Variants in XKR5 observed in about 807,000 individuals in gnomAD.
XKR5 encodes XK related 5.
In XKR5, 46 loss-of-function variants were observed where a neutral mutation model predicts 40.8. The ratio of observed to expected loss-of-function variants is 1.13; its 90% CI spans 0.89 to 1.44. XKR5 has a LOEUF of 1.44. Among genes scored for constraint, XKR5 ranks in the 40% most tolerant of loss-of-function variants. The pLI is 0.00. For synonymous variants in XKR5, 466 were observed against 356.1 expected (o/e 1.31, Z -3.48); for missense variants, 1,169 against 844.7 (o/e 1.38, Z -4.76).
intron 6 of XKR5, 21 bp from the exon 7 acceptor site, chr8:6,812,360 C>T: frequency 2.0e-6 from 3 of 1,522,972 alleles, no homozygotes; most frequent in East Asian, 2.4e-5. Context: ...ACAAAAAGAC[C>T]ACAAGGTTAT....
chr8:6,811,348 A>G lies in XKR5; in HGVS notation c.1911T>C (p.Ser637=), dbSNP rs372907044. The G allele has an allele frequency of 4.2e-4, 647 of 1,537,234 alleles. No individual in the cohort carries two copies. Among genetic ancestry groups the G allele is most frequent in the Non-Finnish European group, 4.8e-4 (547 of 1,146,940 alleles). Residue 637 remains serine, a synonymous_variant, in exon 7 of 7, where the codon AGT becomes AGC. Transcript: ENST00000618742. The part of the protein sequence containing the change: ...EEPLEPKREL[S]HHAAVGVWVS... ...CCCACACACCAACAGCTGCATGGTG[A>G]CTTAGCTCCCTTTTGGGCTCCAGCG...
intron 3 of XKR5, 103 bp from the exon 4 acceptor site, chr8:6,823,833 C>T: frequency 1.0e-6 from 1 of 1,004,956 alleles, no homozygotes; most frequent in Non-Finnish European, 1.5e-6. Flanking sequence ...TGTGTAACCT[C>T]TTGTTAAAGC....
chr8:6,815,841 C>G lies in XKR5; in HGVS notation c.885G>C (p.Gln295His), dbSNP rs1253394497. 6.2e-7 allele frequency: 1 copy of G among 1,605,496 alleles called. No homozygotes were observed. Among genetic ancestry groups the G allele is most frequent in the Non-Finnish European group, 8.5e-7 (1 of 1,176,046 alleles). Residue 295 changes from glutamine (Q) to histidine (H), a missense_variant, in exon 6 of 7, where the codon CAG becomes CAC. Coordinates refer to ENST00000618742, the MANE Select transcript of XKR5 (RefSeq NM_207411.5). ...ATCCAGACAGGACCCCAGCTATGGT[C>G]TGCAGGCTGGTCCACGATGCCCCCT... ...FLQGASWTSL[Q>H]TIAGVLSGFL...
In XKR5 at chr8:6,822,052, G is replaced by T; in HGVS notation, c.638-14C>A. On this transcript the variant is annotated splice_polypyrimidine_tract_variant and intron_variant, in intron 4 of 6. Transcript: ENST00000618742. The stretch of plus-strand genomic sequence containing the variant: ...GCCAGTGGGCACCTGCAGAGAAGCC[G>T]GGTGCAGACGTCAGGGTCCATGCAA... The T allele has an allele frequency of 6.3e-7, 1 of 1,596,098 alleles. No individual in the cohort carries two copies. Among genetic ancestry groups the T allele is most frequent in the Non-Finnish European group, 8.5e-7 (1 of 1,171,310 alleles).
At chr8:6,828,557 G>A (rs576991808) in intron 2 of XKR5, among the ~76,000 whole-genome samples, 195 of 152,324 alleles carry the variant, frequency 1.3e-3, no homozygotes, top group African/African-American at 4.2e-3. Context: ...TAGGGAAGCC[G>A]GGGAGGAAGC....
chr8:6,832,649 G>A lies in XKR5; in HGVS notation c.242+68C>T, dbSNP rs992497459. On this transcript the variant is annotated intron_variant, in intron 2 of 6. Transcript: ENST00000618742. ...TGAGCTTGAGGACAGAATCCACATG[G>A]AGAGAAGATTCCTCTCACTGCACTT... The A allele has an allele frequency of 3.8e-6, 6 of 1,579,414 alleles. No homozygotes were observed. In the South Asian group the frequency reaches 6.9e-5, roughly 18 times the overall value.
chr8:6,820,548 T>G (rs1032001902), intron 5 of XKR5, among the ~76,000 whole-genome samples: 14 of 151,908 alleles, frequency 9.2e-5, no homozygotes, highest in Non-Finnish European at 1.3e-4. Context: ...CACCTATGAA[T>G]AAGCCACTTC....
chr8:6,825,241 G>C lies in XKR5; in HGVS notation c.351C>G (p.Ala117=). 6.2e-7 allele frequency: 1 copy of C among 1,612,662 alleles called. No individual in the cohort carries two copies. The highest frequency in any genetic ancestry group is 1.1e-5 in the South Asian group (1 of 90,876). ...ADLSALRLLE[A]LLQTGPHLLL... ...GCAGGTGGGGCCCAGTCTGCAGCAG[G>C]GCCTCCAAGAGTCGAAGGGCCGACA... The change falls in exon 3 of 7, where the codon GCC becomes GCG. Residue 117 remains alanine, a synonymous_variant. Transcript: ENST00000618742.
At chr8:6,813,885 G>A (rs1307303842) in intron 6 of XKR5, among the ~76,000 whole-genome samples, 5 of 152,200 alleles carry the variant, frequency 3.3e-5, no homozygotes, top group Non-Finnish European at 5.9e-5. Flanking sequence ...AGTGGTGTAG[G>A]ACATCTTTTC....
chr8:6,816,042 C>A lies in XKR5; in HGVS notation c.808-124G>T. The A allele has an allele frequency of 5.9e-6, 4 of 675,358 alleles. No individual in the cohort carries two copies. In the South Asian group the frequency reaches 7.3e-5, roughly 12 times the overall value. The allele number at this position is 675,358 out of a possible 1,614,324, so 41.8% of individuals were successfully genotyped here. A position where few individuals can be genotyped will look rare whatever the true frequency, so the allele number is the denominator to read the frequency against. On this transcript the variant is annotated intron_variant, in intron 5 of 6. Coordinates refer to ENST00000618742, the MANE Select transcript of XKR5 (RefSeq NM_207411.5). ...CTGAGTGCCCACTGGAGACTCCAGG[C>A]TGCTGAGGAGTACCCAGGAGCAGGG...
chr8:6,811,845 C>G lies in XKR5; in HGVS notation c.1414G>C (p.Glu472Gln), dbSNP rs1169538227. Residue 472 changes from glutamate to glutamine, a missense_variant, in exon 7 of 7, where the codon GAA becomes CAA. Physicochemically the swap from Glu to Gln is conservative, Grantham distance 29 (BLOSUM62 2). Coordinates refer to ENST00000618742, the MANE Select transcript of XKR5 (RefSeq NM_207411.5). ...PSTLENSSAF[E>Q]GVPKAEADPL... ...TCGGCCTCTGCTTTAGGGACACCTT[C>G]AAACGCAGAGCTGTTCTCTAAGGTT... 2.6e-6 allele frequency: 4 copies of G among 1,537,502 alleles called. No homozygotes were observed. In the Admixed American group the frequency reaches 7.8e-5, roughly 30 times the overall value.
chr8:6,827,218 AAGG>A (rs1387526116), intron 2 of XKR5, among the ~76,000 whole-genome samples: 2 of 152,164 alleles, frequency 1.3e-5, no homozygotes, highest in Non-Finnish European at 2.9e-5. Flanking sequence ...CAGCAGCAAT[AAGG>A]AGATGACCAC....
intron 2 of XKR5, among the ~76,000 whole-genome samples, chr8:6,829,691 T>C (rs1441179470): frequency 6.6e-6 from 1 of 151,874 alleles, no homozygotes; most frequent in Non-Finnish European, 1.5e-5. Context: ...AATTTGTCTA[T>C]TTTTAGTGGA....
Position 6,812,351 on chromosome 8 carries a change from CA to C in XKR5, c.920-13del. 6.5e-7 allele frequency: 1 copy of C among 1,527,564 alleles called. No homozygotes were observed. The allele number at this position is 1,527,564 out of a possible 1,614,324, so 94.6% of individuals were successfully genotyped here. A position where few individuals can be genotyped will look rare whatever the true frequency, so the allele number is the denominator to read the frequency against. On this transcript the variant is annotated splice_polypyrimidine_tract_variant and intron_variant, in intron 6 of 6. Transcript: ENST00000618742. ...CAGTGAGACACTGCCTGAAAAAGAA[CA>C]AAAAGACCACAAGGTTATGTTCTTT... is the stretch of plus-strand genomic sequence containing the variant.
chr8:6,811,505 G>A lies in XKR5; in HGVS notation c.1754C>T (p.Pro585Leu), dbSNP rs772624365. The change falls in exon 7 of 7, where the codon CCA (proline) becomes CTA (leucine). Residue 585 changes from proline (P) to leucine (L), a missense_variant. Transcript: ENST00000618742. ...SSPAQPASPH[P>L]VGLAPFPDTM... ...GTCGGGGAAGGGCGCCAAGCCCACT[G>A]GGTGGGGCGATGCAGGCTGGGCAGG... is the stretch of plus-strand genomic sequence containing the variant. 4.6e-6 allele frequency: 7 copies of A among 1,529,846 alleles called. No individual in the cohort carries two copies. The highest frequency in any genetic ancestry group is 6.1e-6 in the Non-Finnish European group (7 of 1,142,622). 94.8% of individuals were successfully genotyped at this position (1,529,846 alleles called of 1,614,324 possible).
chr8:6,826,666 C>G (rs1170207992), intron 2 of XKR5, among the ~76,000 whole-genome samples: 1 of 152,110 alleles, frequency 6.6e-6, no homozygotes, highest in Non-Finnish European at 1.5e-5. Flanking sequence ...GTGGAGCCCC[C>G]ATAAGGAGAG....
At position 6,811,955 on chromosome 8, in the gene XKR5, G is replaced by GC. The variant is rs1215338060; in HGVS notation, c.1303dup (p.Ala435GlyfsTer27). ...GTAGTCCTGTTGACTCAACCCCCAT[G>GC]CAGGTGGACAATAGGCAGGACTGTT... On this transcript the variant is annotated frameshift_variant, in exon 7 of 7. Coordinates refer to ENST00000618742, the MANE Select transcript of XKR5 (RefSeq NM_207411.5). LOFTEE classifies it low-confidence loss of function (END_TRUNC). The GC allele has an allele frequency of 1.3e-6, 2 of 1,537,326 alleles. No individual in the cohort carries two copies. The highest frequency in any genetic ancestry group is 4.9e-5 in the East Asian group (2 of 40,908).
intron 5 of XKR5, among the ~76,000 whole-genome samples, chr8:6,819,911 G>A (rs566961210): frequency 2.2e-5 from 3 of 137,654 alleles, no homozygotes; most frequent in South Asian, 5.2e-4. Flanking sequence ...TTCTTTCTCT[G>A]CTCTCTTGCC....
chr8:6,832,995 T>C (rs1190788498), intron 1 of XKR5, 95 bp from the exon 2 acceptor site: 8 of 1,164,194 alleles, frequency 6.9e-6, no homozygotes, highest in Non-Finnish European at 7.0e-6. Flanking sequence ...CTGGATGTTA[T>C]GATGTTCTGA....
Sources: gnomAD v4.1 joint callset for allele counts (sites outside exome capture counted in the v4.1 genomes callset) on GRCh38, gnomAD v4.1.1 for gene constraint, MANE v1.5 for transcripts, NCBI Gene and HGNC (gene_info 2026-07-23, HGNC 2026-07-21) for gene names.